The following PCDH9 variants were observed in gnomAD, a reference collection of about 807,000 sequenced individuals.
PCDH9 encodes the protein protocadherin-9.
Under a neutral mutation model 70.6 loss-of-function variants are expected in PCDH9, and 24 were observed. That is an observed-to-expected ratio of 0.34 (90% CI 0.25 to 0.48). The LOEUF is 0.48. Ranked by LOEUF, PCDH9 falls within the 20% of genes least tolerant of loss-of-function variation. The probability of loss-of-function intolerance (pLI) is 0.99; values close to 1 mark genes in which losing one functional copy is unlikely to be tolerated. For synonymous variants in PCDH9, 562 were observed against 558.5 expected (o/e 1.01, Z -0.09); for missense variants, 1,281 against 1,503.6 (o/e 0.85, Z 2.45).
At chr13:67,021,574 T>C (rs1453729957) in intron 2 of PCDH9, among the ~76,000 whole-genome samples, 1 of 152,180 alleles carries the variant, frequency 6.6e-6, no homozygotes, top group Non-Finnish European at 1.5e-5. Flanking sequence ...AATTTTTTTT[T>C]CTTTTGAGAC....
intron 4 of PCDH9, among the ~76,000 whole-genome samples, chr13:66,527,760 G>A (rs1326641882): frequency 6.6e-6 from 1 of 152,154 alleles, no homozygotes; most frequent in East Asian, 1.9e-4. Context: ...GCTTACGTCT[G>A]TAATCCCAGC....
chr13:66,377,349 G>T (rs1370195863), intron 4 of PCDH9, among the ~76,000 whole-genome samples: 4 of 152,132 alleles, frequency 2.6e-5, no homozygotes, highest in Admixed American at 6.5e-5. Flanking sequence ...GGTCTGGGAC[G>T]AGGCTCAAGA....
intron 2 of PCDH9, chr13:67,218,067 C>A (rs532407439): frequency 7.2e-5 from 11 of 152,096 alleles, no homozygotes; most frequent in African/African-American, 2.4e-4. Flanking sequence ...TATTACAAAG[C>A]CTTTACTTCA....
At chr13:67,129,626 C>CAT (rs35197711) in intron 2 of PCDH9, among the ~76,000 whole-genome samples, 3,766 of 151,082 alleles carry the variant, frequency 0.025, 69 homozygotes, top group Non-Finnish European at 0.04. Flanking sequence ...TATAAATATA[C>CAT]ATATATATAT....
chr13:67,214,661 A>T (rs2089548615), intron 2 of PCDH9: 1 of 152,046 alleles, frequency 6.6e-6, no homozygotes. Flanking sequence ...AACAACATCA[A>T]ATATGCTATA....
At chr13:67,130,897 C>T (rs1243598276) in intron 2 of PCDH9, among the ~76,000 whole-genome samples, 2 of 152,152 alleles carry the variant, frequency 1.3e-5, no homozygotes, top group African/African-American at 2.4e-5. Context: ...GTTGAGCCCC[C>T]CTCTTTCTGT....
At chr13:66,375,970 T>C (rs977948766) in intron 4 of PCDH9, among the ~76,000 whole-genome samples, 1 of 152,060 alleles carries the variant, frequency 6.6e-6, no homozygotes, top group African/African-American at 2.4e-5. Context: ...GATGTTCAAC[T>C]TACAAACAAC....
At chr13:67,140,542 C>T (rs1421729241) in intron 2 of PCDH9, among the ~76,000 whole-genome samples, 3 of 152,062 alleles carry the variant, frequency 2.0e-5, no homozygotes, top group Non-Finnish European at 4.4e-5. Flanking sequence ...GTTTTCAAAC[C>T]TCAGGGCCCT....
At chr13:66,892,240 G>T (rs1288277948) in intron 3 of PCDH9, among the ~76,000 whole-genome samples, 9 of 147,988 alleles carry the variant, frequency 6.1e-5, no homozygotes. Flanking sequence ...TAATGTGTGT[G>T]TGTATATATA....
chr13:66,635,298 T>C (rs905066450), intron 3 of PCDH9, among the ~76,000 whole-genome samples: 3 of 152,198 alleles, frequency 2.0e-5, no homozygotes, highest in Non-Finnish European at 4.4e-5. Flanking sequence ...TTTGTTTACC[T>C]GATTTATCAT....
chr13:66,563,855 A>ACACAT (rs1555306908), intron 4 of PCDH9, among the ~76,000 whole-genome samples: 1 of 152,124 alleles, frequency 6.6e-6, no homozygotes, highest in East Asian at 1.9e-4. Context: ...CTGTTTTGAA[A>ACACAT]CATATTACCC....
intron 3 of PCDH9, among the ~76,000 whole-genome samples, chr13:66,817,978 A>T (rs1702669120): frequency 1.3e-5 from 2 of 152,200 alleles, no homozygotes; most frequent in African/African-American, 4.8e-5. Flanking sequence ...ATTATTTTTA[A>T]GATTCTAAAG....
At chr13:67,119,480 G>C (rs1452145041) in intron 2 of PCDH9, among the ~76,000 whole-genome samples, 1 of 151,944 alleles carries the variant, frequency 6.6e-6, no homozygotes, top group Non-Finnish European at 1.5e-5. Flanking sequence ...CTTAGACATT[G>C]TCTAATATAA....
intron 4 of PCDH9, among the ~76,000 whole-genome samples, chr13:66,518,879 T>A (rs1033048537): frequency 3.4e-4 from 52 of 152,144 alleles, no homozygotes; most frequent in Non-Finnish European, 6.5e-4. Context: ...CAGGGCAAAT[T>A]GCTTTATTGG....
chr13:66,750,363 G>A (rs553886275), intron 3 of PCDH9, among the ~76,000 whole-genome samples: 6 of 151,652 alleles, frequency 4.0e-5, no homozygotes, highest in Non-Finnish European at 7.4e-5. Flanking sequence ...CTCCAAGAAT[G>A]AGAAGTTTTC....
At chr13:66,755,919 T>A (rs769415012) in intron 3 of PCDH9, among the ~76,000 whole-genome samples, 2 of 152,140 alleles carry the variant, frequency 1.3e-5, no homozygotes, top group African/African-American at 2.4e-5. Context: ...GCCTCTGCAG[T>A]TGAGTGGCTT....
intron 2 of PCDH9, among the ~76,000 whole-genome samples, chr13:66,975,692 C>A (rs2083605881): frequency 2.0e-5 from 3 of 151,906 alleles, no homozygotes; most frequent in South Asian, 2.1e-4. Flanking sequence ...TTCAGCAAAC[C>A]TTTATTAAGC....
intron 3 of PCDH9, among the ~76,000 whole-genome samples, chr13:66,819,273 T>C (rs1267422126): frequency 2.0e-5 from 3 of 151,420 alleles, no homozygotes; most frequent in Admixed American, 6.6e-5. Flanking sequence ...ATTACTTATG[T>C]ACCCCATTGT....
At chr13:66,732,814 T>C (rs1371001134) in intron 3 of PCDH9, among the ~76,000 whole-genome samples, 1 of 151,996 alleles carries the variant, frequency 6.6e-6, no homozygotes, top group Non-Finnish European at 1.5e-5. Flanking sequence ...GTCTCACAAC[T>C]TCAAAATATT....
Sources: allele counts gnomAD v4.1 joint callset (sites outside exome capture counted in the v4.1 genomes callset), GRCh38; gene constraint gnomAD v4.1.1; transcripts MANE v1.5; gene names NCBI Gene and HGNC (gene_info 2026-07-23, HGNC 2026-07-21).